The following SMC6 variants were observed in gnomAD, a reference collection of about 807,000 sequenced individuals.
SMC6 encodes structural maintenance of chromosomes 6, also known as structural maintenance of chromosomes protein 6.
SMC6 carries 79 observed loss-of-function variants against 142.2 expected under a neutral mutation model. That is an observed-to-expected ratio of 0.56 (90% confidence interval 0.46 to 0.67). The LOEUF (loss-of-function observed/expected upper bound fraction) is 0.67, where lower values mean the gene tolerates loss of function less well. SMC6 is among the 30% of genes least tolerant of loss of function. The pLI is 0.00. For missense variants in SMC6, 1,072 were observed against 1,284.0 expected (o/e 0.83, Z 2.52); for synonymous variants, 411 against 412.4 (o/e 1.00, Z 0.04).
intron 12 of SMC6, 63 bp downstream of exon 12, chr2:17,718,014 G>A (rs1669184167): frequency 1.5e-5 from 22 of 1,465,186 alleles, no homozygotes; most frequent in Non-Finnish European, 1.8e-5. Flanking sequence ...AAAAAGGATA[G>A]AAGAACAGCC....
chr2:17,728,131 T>C (rs919994528), intron 7 of SMC6, among the ~76,000 whole-genome samples: 3 of 152,216 alleles, frequency 2.0e-5, no homozygotes, highest in African/African-American at 7.2e-5. Flanking sequence ...GTTATACTCC[T>C]CTTGGGATTA....
rs1056935827 is a variant in SMC6 at position 17,750,568 on chromosome 2, T to C, written c.-6+2410A>G. 4.6e-5 allele frequency among the ~76,000 whole-genome samples: 7 copies of C among 152,322 alleles called. No individual in the cohort carries two copies. The South Asian group carries it at 6.2e-4, about 14-fold the overall frequency. On this transcript the variant is annotated intron_variant, in intron 2 of 27. Transcript: ENST00000448223. ...GAGCTCAGATCCAAATCCAGGTTTG[T>C]CAAAACCCAGTTAAACCTCTTTAAC...
At chr2:17,717,648 G>A (rs1558359098) in intron 12 of SMC6, among the ~76,000 whole-genome samples, 1 of 152,014 alleles carries the variant, frequency 6.6e-6, no homozygotes, top group Non-Finnish European at 1.5e-5. Flanking sequence ...TCCAGCCTGG[G>A]TGACAGGGTG....
intron 23 of SMC6, among the ~76,000 whole-genome samples, chr2:17,691,177 C>T: frequency 6.7e-6 from 1 of 148,508 alleles, no homozygotes; most frequent in South Asian, 2.2e-4. Context: ...TCACAATAGC[C>T]AAGATATGTA....
At position 17,698,194 on chromosome 2, in the gene SMC6, G is replaced by A. The variant is rs573568049; in HGVS notation, c.2395-1768C>T. Among the ~76,000 whole-genome samples, 4 of 152,074 alleles carry A rather than the reference G, an allele frequency of 2.6e-5. No homozygotes were observed. The East Asian group carries it at 7.7e-4, about 29-fold the overall frequency. ...GGTTTCTTTATTAGGCGATGAAAAT[G>A]TTCTAAAATGGTGGAAATGGTTACA... On this transcript the variant is annotated intron_variant, in intron 21 of 27. Coordinates refer to ENST00000448223, the MANE Select transcript of SMC6 (RefSeq NM_001142286.2).
chr2:17,717,568 G>C (rs1669159279), intron 12 of SMC6, among the ~76,000 whole-genome samples: 2 of 152,230 alleles, frequency 1.3e-5, no homozygotes, highest in South Asian at 4.1e-4. Context: ...GTACTCAGGA[G>C]ACTGAGGCAG....
chr2:17,691,721 C>T (rs34658790), intron 23 of SMC6, among the ~76,000 whole-genome samples: 5 of 151,912 alleles, frequency 3.3e-5, no homozygotes, highest in African/African-American at 1.2e-4. Context: ...CCAGGGCAAT[C>T]AGGCAGGAGA....
At chr2:17,731,033 TGACAA>T (rs754662823) in intron 7 of SMC6, 40 bp downstream of exon 7, 7 of 1,480,700 alleles carry the variant, frequency 4.7e-6, no homozygotes, top group African/African-American at 4.2e-5. Context: ...ACTAAAAAAA[TGACAA>T]GGTGTATGAA....
At position 17,753,137 on chromosome 2, in the gene SMC6, A is replaced by G. The variant is rs183908585; in HGVS notation, c.-92-73T>C. The G allele has an allele frequency of 9.7e-5, 51 of 526,066 alleles. No homozygotes were observed. The East Asian group carries it at 4.9e-3, about 51-fold the overall frequency. The allele number at this position is 526,066 out of a possible 1,614,324, so 32.6% of individuals were successfully genotyped here. ...CATGTTAATTTTTCTAGGTAATACA[A>G]TTTGCATTTTCGTAAAACTGGGCTT... On this transcript the variant is annotated intron_variant, in intron 1 of 27. Transcript: ENST00000448223.
At chr2:17,730,238 C>T (rs1244350678) in intron 7 of SMC6, among the ~76,000 whole-genome samples, 9 of 152,072 alleles carry the variant, frequency 5.9e-5, no homozygotes, top group Admixed American at 2.6e-4. Context: ...ACTACATGTA[C>T]CCTATTATCA....
At chr2:17,701,797 T>C in intron 20 of SMC6, 32 bp downstream of exon 20, 1 of 1,323,060 alleles carries the variant, frequency 7.6e-7, no homozygotes, top group East Asian at 2.4e-5. Flanking sequence ...TACCCTTTAA[T>C]ATTACATTTA....
At position 17,670,467 on chromosome 2, in the gene SMC6, C is replaced by T. The variant is rs761942611; in HGVS notation, c.3019G>A (p.Ala1007Thr). ...VCFILSLWSI[A>T]ESPFRCLDEF... ...TCCAGGCATCTGAAAGGAGATTCTG[C>T]GATGGACCACAGGGAAAGAATAAAA... The change falls in exon 26 of 28, where the codon GCA (alanine) becomes ACA (threonine). Residue 1007 changes from alanine to threonine, a missense_variant. Ala to Thr is a moderately conservative substitution (Grantham distance 58). Coordinates refer to ENST00000448223, the MANE Select transcript of SMC6 (RefSeq NM_001142286.2). 14 of 1,613,406 alleles carry T rather than the reference C, an allele frequency of 8.7e-6. No individual in the cohort carries two copies. Among genetic ancestry groups the T allele is most frequent in the Middle Eastern group, 1.6e-4 (1 of 6,078 alleles).
At chr2:17,726,285 GA>G (rs1190082288) in intron 8 of SMC6, 103 bp downstream of exon 8, 857 of 719,158 alleles carry the variant, frequency 1.2e-3, no homozygotes, top group South Asian at 2.2e-3. Flanking sequence ...TGGCTTTAAG[GA>G]AAAAAAAAAC....
rs748384198 is a variant in SMC6, at chr2:17,701,958, C to T, written c.2143-49G>A. ...TAGTAACATAAAAAAAAATTTAAAC[C>T]GAAAACCTTGGAAAGGATTCATTAA... On this transcript the variant is annotated intron_variant, in intron 19 of 27. Coordinates refer to ENST00000448223, the MANE Select transcript of SMC6 (RefSeq NM_001142286.2). 2.0e-4 allele frequency: 195 copies of T among 981,240 alleles called. 2 individuals are homozygous for T. In the South Asian group the frequency reaches 2.3e-3, roughly 12 times the overall value. The allele number at this position is 981,240 out of a possible 1,614,324, so 60.8% of individuals were successfully genotyped here. A position where few individuals can be genotyped will look rare whatever the true frequency, so the allele number is the denominator to read the frequency against.
Position 17,670,554 on chromosome 2 carries a change from T to C in SMC6, c.2932A>G (p.Lys978Glu). Residue 978 changes from lysine (K) to glutamate (E), a missense_variant, in exon 26 of 28, where the codon AAA (lysine) becomes GAA (glutamate). Lys to Glu is a moderately conservative substitution (Grantham distance 56, BLOSUM62 1). Transcript: ENST00000448223. ...GCTCTCATGTCATTGAAAGCAGCTTTATTTCCTTCTCCAGGCTGAACCTTG... is the reference window on the plus strand; with the variant it reads ...GCTCTCATGTCATTGAAAGCAGCTTCATTTCCTTCTCCAGGCTGAACCTTG... ...SISVQPGEGN[K>E]AAFNDMRALS... The C allele has an allele frequency of 6.3e-7, 1 of 1,576,060 alleles. No homozygotes were observed. Among genetic ancestry groups the C allele is most frequent in the South Asian group, 1.2e-5 (1 of 84,010 alleles).
intron 16 of SMC6, 148 bp from the exon 17 acceptor site, chr2:17,708,901 A>G (rs925375047): frequency 2.4e-5 from 7 of 295,958 alleles, no homozygotes; most frequent in Non-Finnish European, 3.6e-5. Flanking sequence ...ACAATATCAA[A>G]TATCTGGTAA....
Position 17,716,261 on chromosome 2 carries a change from T to C in SMC6, c.1350A>G (p.Arg450=), listed in dbSNP as rs1669078090. The change falls in exon 15 of 28, where the codon AGA becomes AGG. Residue 450 remains arginine, a synonymous_variant. Transcript: ENST00000448223. ...KDKEEHGKIK[R]EELDVKHALS... ...GTGCATGCTTCACATCTAATTCTTC[T>C]CTCCTAAAAAACAAAAGCAGAAAAA... 6.2e-7 allele frequency: 1 copy of C among 1,601,758 alleles called. No individual in the cohort carries two copies. The highest frequency in any genetic ancestry group is 1.1e-5 in the South Asian group (1 of 88,730).
chr2:17,731,461 A>G (rs574183007), intron 6 of SMC6, among the ~76,000 whole-genome samples: 137 of 152,356 alleles, frequency 9.0e-4, no homozygotes, highest in African/African-American at 3.1e-3. Flanking sequence ...CACATGCTAT[A>G]AAAACCCTGG....
intron 27 of SMC6, 50 bp from the exon 28 acceptor site, chr2:17,665,663 A>G: frequency 8.5e-7 from 1 of 1,176,842 alleles, no homozygotes; most frequent in Non-Finnish European, 1.2e-6. Context: ...CCTTTTACCA[A>G]TTAAAAAAAA....
Sources: gnomAD v4.1 joint callset for allele counts (sites outside exome capture counted in the v4.1 genomes callset) on GRCh38, gnomAD v4.1.1 for gene constraint, MANE v1.5 for transcripts, NCBI Gene and HGNC (gene_info 2026-07-23, HGNC 2026-07-21) for gene names.